The following ZNF143 variants were observed in gnomAD, a reference collection of about 807,000 sequenced individuals.
ZNF143 encodes the protein SPH-binding factor.
Under a neutral mutation model 74.1 loss-of-function variants are expected in ZNF143, and 49 were observed. The observed-to-expected ratio is 0.66, with a 90% CI of 0.53 to 0.84. The LOEUF (loss-of-function observed/expected upper bound fraction) is 0.84, where lower values mean the gene tolerates loss of function less well. ZNF143 is among the 40% of genes least tolerant of loss of function. The probability of loss-of-function intolerance (pLI) is 0.00; values close to 1 mark genes in which losing one functional copy is unlikely to be tolerated. For synonymous variants in ZNF143, 304 were observed against 282.8 expected, an observed-to-expected ratio of 1.07 and a Z score of -0.75; for missense variants, 637 against 793.4, an observed-to-expected ratio of 0.80 and a Z score of 2.37.
In ZNF143 at chr11:9,474,602, T is replaced by C; in HGVS notation, c.342T>C (p.Gly114=). Residue 114 remains glycine, a synonymous_variant, in exon 5 of 16, where the codon GGT becomes GGC. Transcript: ENST00000396602. ...EDGQAVQLED[G]TTAFIHHTSK... ...GTCAAGCAGTACAGTTAGAAGATGG[T>C]ACCACAGCATTTATTCACCACACCT... 6.2e-7 allele frequency: 1 copy of C among 1,614,164 alleles called. No homozygotes were observed. Among genetic ancestry groups the C allele is most frequent in the Non-Finnish European group, 8.5e-7 (1 of 1,180,024 alleles).
Position 9,494,861 on chromosome 11 carries a change from C to A in ZNF143, c.765+96C>A, listed in dbSNP as rs1304487423. 3 of 1,305,032 alleles carry A rather than the reference C, an allele frequency of 2.3e-6. No individual in the cohort carries two copies. The East Asian group carries it at 7.6e-5, about 33-fold the overall frequency. 80.8% of individuals were successfully genotyped at this position (1,305,032 alleles called of 1,614,324 possible). On this transcript the variant is annotated intron_variant, in intron 8 of 15. Transcript: ENST00000396602. ...TGTGTAATTCAAATGCCACTGTTTT[C>A]TCCCAGTTATCAAGATACTGGCACT...
intron 1 of ZNF143, among the ~76,000 whole-genome samples, chr11:9,468,849 A>G (rs1044266630): frequency 2.6e-5 from 4 of 151,964 alleles, no homozygotes; most frequent in African/African-American, 9.7e-5. Flanking sequence ...TATATCATAT[A>G]TTTTCTGGGC....
rs375246656 is a variant in ZNF143, at chr11:9,519,523, C to T, written c.1686+3161C>T. Among the ~76,000 whole-genome samples, 150 of 152,182 alleles carry T rather than the reference C, an allele frequency of 9.9e-4. 1 individual carries two copies. Among genetic ancestry groups the T allele is most frequent in the African/African-American group, 3.5e-3 (144 of 41,522 alleles). ...TTTGTGTCTGGGTTTTTCTACTTAA[C>T]GTTTTGGATATTTATTCACATTGTT... On this transcript the variant is annotated intron_variant, in intron 14 of 15. Coordinates refer to ENST00000396602, the MANE Select transcript of ZNF143 (RefSeq NM_003442.6).
chr11:9,478,697 G>C, intron 6 of ZNF143, 111 bp downstream of exon 6: 1 of 1,284,762 alleles, frequency 7.8e-7, no homozygotes. Context: ...GGCCAATTTT[G>C]GCTGGGCATG....
intron 12 of ZNF143, among the ~76,000 whole-genome samples, chr11:9,511,215 A>G (rs1447765698): frequency 6.9e-6 from 1 of 145,438 alleles, no homozygotes; most frequent in African/African-American, 2.6e-5. Context: ...GGTTCAAGTG[A>G]TTTCTCCTGC....
Position 9,527,820 on chromosome 11 carries a change from A to G in ZNF143, c.*207A>G. Reference sequence around the variant, plus strand: ...ATTCTCAGAGTGATTCATTGTGTACAAGGAAGTATGAAATTAGGGCAATAC... The same window carrying G: ...ATTCTCAGAGTGATTCATTGTGTACGAGGAAGTATGAAATTAGGGCAATAC... On this transcript the variant is annotated 3_prime_UTR_variant, in exon 16 of 16. Transcript: ENST00000396602. The G allele has an allele frequency of 2.0e-6, 1 of 491,806 alleles. No homozygotes were observed. The allele number at this position is 491,806 out of a possible 1,614,324, so 30.5% of individuals were successfully genotyped here. A position where few individuals can be genotyped will look rare whatever the true frequency, so the allele number is the denominator to read the frequency against.
At chr11:9,480,060 C>T (rs917187212) in intron 7 of ZNF143, among the ~76,000 whole-genome samples, 1 of 152,190 alleles carries the variant, frequency 6.6e-6, no homozygotes, top group South Asian at 2.1e-4. Context: ...CAGACTGCTT[C>T]CTGGTCTGCA....
intron 11 of ZNF143, among the ~76,000 whole-genome samples, chr11:9,502,187 C>T (rs1230774941): frequency 1.8e-4 from 26 of 143,564 alleles, no homozygotes; most frequent in South Asian, 9.0e-4. Context: ...CTGCCCGCCT[C>T]GGCCTCTCAA....
chr11:9,496,408 G>C (rs750604793), intron 9 of ZNF143, 30 bp downstream of exon 9: 59 of 1,598,038 alleles, frequency 3.7e-5, no homozygotes, highest in Non-Finnish European at 5.0e-5. Flanking sequence ...TTTTTTCTTG[G>C]TTCCAATTAG....
At chr11:9,513,590 C>T (rs1457976482) in intron 13 of ZNF143, among the ~76,000 whole-genome samples, 2 of 152,170 alleles carry the variant, frequency 1.3e-5, no homozygotes, top group Admixed American at 6.5e-5. Flanking sequence ...AGTGATTAGG[C>T]AATTTCTGTC....
chr11:9,515,718 A>G (rs1848701294), intron 13 of ZNF143, among the ~76,000 whole-genome samples: 2 of 150,540 alleles, frequency 1.3e-5, no homozygotes, highest in Non-Finnish European at 3.0e-5. Context: ...AGTGGCTCAC[A>G]CCTGTAATCC....
intron 13 of ZNF143, among the ~76,000 whole-genome samples, chr11:9,513,252 C>T (rs992527564): frequency 2.0e-4 from 30 of 152,154 alleles, no homozygotes; most frequent in African/African-American, 7.0e-4. Context: ...TCATGGAGAA[C>T]GCTCTCCTTA....
chr11:9,504,965 G>GCCCAGCC (rs1304600400), intron 11 of ZNF143, among the ~76,000 whole-genome samples: 2 of 100,334 alleles, frequency 2.0e-5, no homozygotes, highest in African/African-American at 6.5e-5. Context: ...GAGCCACCAC[G>GCCCAGCC]CCCAGCCTCT....
chr11:9,508,916 T>A (rs1848450356), intron 12 of ZNF143, 70 bp downstream of exon 12: 1 of 1,446,016 alleles, frequency 6.9e-7, no homozygotes, highest in Non-Finnish European at 9.4e-7. Flanking sequence ...AATTTATGAT[T>A]CATAGCATTT....
chr11:9,481,682 G>C (rs1467527051), intron 7 of ZNF143, among the ~76,000 whole-genome samples: 3 of 151,988 alleles, frequency 2.0e-5, no homozygotes, highest in African/African-American at 7.2e-5. Context: ...GAGGTCAGGA[G>C]TCTGAGACCA....
At chr11:9,496,993 A>G (rs2134063545) in intron 9 of ZNF143, among the ~76,000 whole-genome samples, 1 of 152,344 alleles carries the variant, frequency 6.6e-6, no homozygotes, top group South Asian at 2.1e-4. Flanking sequence ...AGACTCTAAC[A>G]TCAGGACAGG....
intron 6 of ZNF143, among the ~76,000 whole-genome samples, chr11:9,479,084 T>C (rs1847137270): frequency 6.6e-6 from 1 of 152,188 alleles, no homozygotes; most frequent in African/African-American, 2.4e-5. Context: ...CTGATTTTTT[T>C]TTTCCCCTGC....
chr11:9,499,733 T>C (rs1371900475), intron 10 of ZNF143, among the ~76,000 whole-genome samples: 3 of 152,140 alleles, frequency 2.0e-5, no homozygotes, highest in Non-Finnish European at 2.9e-5. Context: ...TTTAACAAAC[T>C]TACTATATAT....
At chr11:9,474,447 A>C in intron 4 of ZNF143, 103 bp from the exon 5 acceptor site, 2 of 1,130,996 alleles carry the variant, frequency 1.8e-6, no homozygotes, top group Non-Finnish European at 1.3e-6. Flanking sequence ...AAGCAAGTAT[A>C]GATTGTTATA....
Sources: allele counts gnomAD v4.1 joint callset (sites outside exome capture counted in the v4.1 genomes callset), GRCh38; gene constraint gnomAD v4.1.1; transcripts MANE v1.5; gene names NCBI Gene and HGNC (gene_info 2026-07-23, HGNC 2026-07-21).